Variants in PATJ observed in about 807,000 individuals in gnomAD.
PATJ encodes the protein inaD-like protein.
Under a neutral mutation model 224.9 loss-of-function variants are expected in PATJ, and 190 were observed. That is an observed-to-expected ratio of 0.84 (90% CI 0.75 to 0.95). The LOEUF (loss-of-function observed/expected upper bound fraction) is 0.95. Among genes scored for constraint, PATJ ranks in the 40% least tolerant of loss-of-function variants. The probability of loss-of-function intolerance (pLI) is 0.00; values close to 1 mark genes in which losing one functional copy is unlikely to be tolerated. For synonymous variants in PATJ, 769 were observed against 820.3 expected, an observed-to-expected ratio of 0.94 and a Z score of 1.07; for missense variants, 2,121 against 2,270.3, an observed-to-expected ratio of 0.93 and a Z score of 1.34.
intron 7 of PATJ, among the ~76,000 whole-genome samples, chr1:61,779,931 ACAAT>A (rs146701134): frequency 0.021 from 3,230 of 152,128 alleles, 93 homozygotes; most frequent in African/African-American, 0.061. Flanking sequence ...TCTCTTTTTA[ACAAT>A]CAGAGTGAGA....
At chr1:61,849,458 T>C (rs1662475053) in intron 17 of PATJ, among the ~76,000 whole-genome samples, 1 of 152,118 alleles carries the variant, frequency 6.6e-6, no homozygotes, top group Admixed American at 6.5e-5. Flanking sequence ...TAGCTGAATG[T>C]GGTGTACACT....
At chr1:61,935,262 C>T (rs1055787957) in intron 27 of PATJ, among the ~76,000 whole-genome samples, 4 of 152,218 alleles carry the variant, frequency 2.6e-5, no homozygotes, top group African/African-American at 9.6e-5. Flanking sequence ...TTTGCTGCCA[C>T]TGGCTTTTAA....
intron 27 of PATJ, among the ~76,000 whole-genome samples, chr1:61,953,343 T>C (rs1244341784): frequency 1.3e-5 from 2 of 152,224 alleles, no homozygotes; most frequent in Non-Finnish European, 2.9e-5. Flanking sequence ...ACACGCAAAT[T>C]AGGTTATTTC....
chr1:62,059,389 A>G (rs574040039), intron 31 of PATJ, among the ~76,000 whole-genome samples: 9 of 152,278 alleles, frequency 5.9e-5, no homozygotes, highest in African/African-American at 1.7e-4. Context: ...TGGGAGGCTG[A>G]GGTGGGCAGA....
intron 39 of PATJ, among the ~76,000 whole-genome samples, chr1:62,126,559 G>A (rs913931932): frequency 3.3e-5 from 5 of 152,192 alleles, no homozygotes; most frequent in Non-Finnish European, 5.9e-5. Flanking sequence ...TGATACTAAT[G>A]TGGGGAAAAA....
intron 27 of PATJ, among the ~76,000 whole-genome samples, chr1:61,933,913 CT>C (rs1322621990): frequency 1.3e-5 from 2 of 151,954 alleles, no homozygotes; most frequent in Admixed American, 6.6e-5. Context: ...TTCCCAGTCT[CT>C]TTCGCATTCG....
At chr1:61,751,233 C>A (rs1031470755) in intron 1 of PATJ, among the ~76,000 whole-genome samples, 1 of 151,918 alleles carries the variant, frequency 6.6e-6, no homozygotes, top group African/African-American at 2.4e-5. Context: ...AACTCCTGGC[C>A]TCAAGTGATC....
chr1:61,922,555 G>T (rs1198806160), intron 26 of PATJ, among the ~76,000 whole-genome samples: 1 of 152,202 alleles, frequency 6.6e-6, no homozygotes, highest in Non-Finnish European at 1.5e-5. Context: ...TCTGGCTTTA[G>T]GTTTCCAAGG....
intron 1 of PATJ, among the ~76,000 whole-genome samples, chr1:61,745,531 C>T (rs1454233929): frequency 6.6e-6 from 1 of 151,762 alleles, no homozygotes; most frequent in Admixed American, 6.6e-5. Flanking sequence ...GTCTTGGCCT[C>T]CCAAAGTGCT....
At chr1:62,148,141 AGTTTGAG>A in intron 41 of PATJ, 136 bp from the exon 42 acceptor site, 2 of 471,914 alleles carry the variant, frequency 4.2e-6, no homozygotes, top group Non-Finnish European at 3.9e-6. Context: ...AAAAAAAAAA[AGTTTGAG>A]AGAATAGTCC....
chr1:61,824,248 C>T (rs76524512), intron 15 of PATJ, among the ~76,000 whole-genome samples: 35 of 127,586 alleles, frequency 2.7e-4, no homozygotes, highest in African/African-American at 9.0e-4. Flanking sequence ...TTTTTTTTTT[C>T]GAGACGGGGT....
chr1:61,926,108 A>G (rs547498568), intron 26 of PATJ, among the ~76,000 whole-genome samples: 2 of 152,314 alleles, frequency 1.3e-5, no homozygotes, highest in South Asian at 4.2e-4. Context: ...AGGGAGGCCT[A>G]CTGTGTTCCC....
intron 15 of PATJ, among the ~76,000 whole-genome samples, chr1:61,825,487 C>T (rs992334113): frequency 2.6e-5 from 4 of 151,440 alleles, no homozygotes; most frequent in African/African-American, 9.7e-5. Context: ...AAATAAACTC[C>T]TGAACTCAAA....
intron 27 of PATJ, among the ~76,000 whole-genome samples, chr1:61,959,104 C>T (rs1680853862): frequency 6.6e-6 from 1 of 151,828 alleles, no homozygotes; most frequent in Non-Finnish European, 1.5e-5. Context: ...CCATAAAATC[C>T]ATAGCTCAAG....
intron 29 of PATJ, among the ~76,000 whole-genome samples, chr1:62,028,517 G>A (rs993872510): frequency 1.3e-5 from 2 of 152,158 alleles, no homozygotes; most frequent in Admixed American, 6.5e-5. Context: ...GGTGGCTCAC[G>A]CCTGTCATCC....
At chr1:61,831,440 A>G (rs946087596) in intron 16 of PATJ, among the ~76,000 whole-genome samples, 1 of 152,174 alleles carries the variant, frequency 6.6e-6, no homozygotes, top group Non-Finnish European at 1.5e-5. Flanking sequence ...TGCATCTGAC[A>G]AAGATCTAAT....
chr1:61,962,725 G>A (rs1378265960), intron 27 of PATJ, among the ~76,000 whole-genome samples: 2 of 152,180 alleles, frequency 1.3e-5, no homozygotes, highest in Non-Finnish European at 2.9e-5. Flanking sequence ...GAGGACAGAA[G>A]TTTATTTTTT....
chr1:61,946,591 A>C (rs1033153190), intron 27 of PATJ, among the ~76,000 whole-genome samples: 10 of 152,306 alleles, frequency 6.6e-5, no homozygotes, highest in East Asian at 1.9e-4. Flanking sequence ...TACCAACCAA[A>C]CAAAGTCCAG....
intron 17 of PATJ, 111 bp downstream of exon 17, chr1:61,833,896 A>ATCTTTGGG: frequency 1.1e-6 from 1 of 889,104 alleles, no homozygotes; most frequent in Non-Finnish European, 1.7e-6. Context: ...ACTGAATCCC[A>ATCTTTGGG]AAGATGGGAT....
Sources: gnomAD v4.1 joint callset for allele counts (sites outside exome capture counted in the v4.1 genomes callset) on GRCh38, gnomAD v4.1.1 for gene constraint, MANE v1.5 for transcripts, NCBI Gene and HGNC (gene_info 2026-07-23, HGNC 2026-07-21) for gene names.